The following CEP112 variants were observed in gnomAD, a reference collection of about 807,000 sequenced individuals.
CEP112 encodes centrosomal protein 112, also known as centrosomal protein of 112 kDa.
Under a neutral mutation model 153.0 loss-of-function variants are expected in CEP112, and 127 were observed. The ratio of observed to expected loss-of-function variants is 0.83; its 90% CI spans 0.72 to 0.96. The LOEUF is 0.96. Among genes scored for constraint, CEP112 ranks in the 40% least tolerant of loss-of-function variants. The pLI, the probability that CEP112 is intolerant of heterozygous loss-of-function variation, is 0.00. For missense variants in CEP112, 1,089 were observed against 1,101.2 expected (o/e 0.99, Z 0.16); for synonymous variants, 358 against 374.4 (o/e 0.96, Z 0.51).
chr17:66,179,100 T>A (rs989672743), intron 2 of CEP112, among the ~76,000 whole-genome samples: 1 of 152,186 alleles, frequency 6.6e-6, no homozygotes, highest in African/African-American at 2.4e-5. Flanking sequence ...AATTGCTCTG[T>A]AGTATAATTT....
At chr17:66,082,770 A>G (rs1279995071) in intron 8 of CEP112, among the ~76,000 whole-genome samples, 4 of 151,952 alleles carry the variant, frequency 2.6e-5, no homozygotes, top group Admixed American at 2.6e-4. Context: ...CTCAAAAAAA[A>G]AAAAAAATTT....
chr17:65,840,562 T>C (rs549906733), intron 21 of CEP112, among the ~76,000 whole-genome samples: 1 of 152,058 alleles, frequency 6.6e-6, no homozygotes, highest in African/African-American at 2.4e-5. Context: ...TTGAAGAAGA[T>C]ATTGGTCTAG....
At chr17:65,672,541 T>G (rs987824059) in intron 24 of CEP112, among the ~76,000 whole-genome samples, 4 of 152,216 alleles carry the variant, frequency 2.6e-5, no homozygotes, top group African/African-American at 9.7e-5. Flanking sequence ...TTCAGAAAGG[T>G]TTTGCTTGTA....
intron 16 of CEP112, among the ~76,000 whole-genome samples, chr17:66,024,845 CA>C (rs2065135702): frequency 6.6e-6 from 1 of 151,946 alleles, no homozygotes; most frequent in Non-Finnish European, 1.5e-5. Flanking sequence ...CAAAGCAGTC[CA>C]AAGCAAAAAG....
At position 66,029,891 on chromosome 17, in the gene CEP112, C is replaced by T. The variant is rs1248433006; in HGVS notation, c.1351G>A (p.Glu451Lys). The T allele has an allele frequency of 6.2e-7, 1 of 1,613,560 alleles. No individual in the cohort carries two copies. The highest frequency in any genetic ancestry group is 8.5e-7 in the Non-Finnish European group (1 of 1,179,692). ...LERCYQITCS[E>K]LQEVKARRNT... ...TACCTTGCCTTTACTTCTTGTAATT[C>T]ACTACACGTTATCTGGTAACATCTT... is the stretch of plus-strand genomic sequence containing the variant. Residue 451 changes from glutamate (E) to lysine (K), a missense_variant, in exon 13 of 27, where the codon GAA becomes AAA. Coordinates refer to ENST00000535342, the MANE Select transcript of CEP112 (RefSeq NM_001199165.4).
At chr17:65,736,106 C>G (rs2145071158) in intron 23 of CEP112, among the ~76,000 whole-genome samples, 1 of 151,978 alleles carries the variant, frequency 6.6e-6, no homozygotes, top group Admixed American at 6.6e-5. Flanking sequence ...TAGGCAAGGT[C>G]AAAGATGATG....
rs115691772 is a variant in CEP112 at position 65,853,371 on chromosome 17, T to C, written c.2164-1337A>G. 3.1e-3 allele frequency among the ~76,000 whole-genome samples: 476 copies of C among 152,264 alleles called. 3 individuals are homozygous for C. The highest frequency in any genetic ancestry group is 0.011 in the African/African-American group (452 of 41,564). ...GTGCTGTATTTTATAAGGACACTGG[T>C]CATACTGGATTTAGGGCCCACCTTA... On this transcript the variant is annotated intron_variant, in intron 20 of 26. Coordinates refer to ENST00000535342, the MANE Select transcript of CEP112 (RefSeq NM_001199165.4).
intron 24 of CEP112, among the ~76,000 whole-genome samples, chr17:65,670,220 T>C (rs2046917583): frequency 6.6e-6 from 1 of 151,662 alleles, no homozygotes; most frequent in Non-Finnish European, 1.5e-5. Context: ...CTGAAACTTT[T>C]GTGTTCTGTC....
intron 16 of CEP112, among the ~76,000 whole-genome samples, chr17:66,025,957 A>T (rs2065188847): frequency 1.7e-5 from 2 of 117,266 alleles, no homozygotes; most frequent in African/African-American, 6.8e-5. Context: ...ACATATATAG[A>T]TATATATAGA....
intron 19 of CEP112, among the ~76,000 whole-genome samples, chr17:65,910,470 G>T (rs952141003): frequency 7.1e-6 from 1 of 141,604 alleles, no homozygotes; most frequent in African/African-American, 2.7e-5. Flanking sequence ...AGAAAGTAAG[G>T]AAGAGGCCCA....
Position 66,024,753 on chromosome 17 carries a change from C to T in CEP112, c.1656+2748G>A, listed in dbSNP as rs139715618. On this transcript the variant is annotated intron_variant, in intron 16 of 26. Coordinates refer to ENST00000535342, the MANE Select transcript of CEP112 (RefSeq NM_001199165.4). ...AATCTAAGATTCAATGCAATCCCTA[C>T]CAAAATACCAATATAATTTTTCTCA... Among the ~76,000 whole-genome samples the T allele has an allele frequency of 2.5e-3, 382 of 152,104 alleles. 1 individual carries two copies. Among genetic ancestry groups the T allele is most frequent in the African/African-American group, 8.8e-3 (364 of 41,518 alleles).
intron 17 of CEP112, among the ~76,000 whole-genome samples, chr17:65,985,853 T>TTG (rs1555748720): frequency 6.6e-6 from 1 of 151,376 alleles, no homozygotes; most frequent in African/African-American, 2.4e-5. Context: ...CTTTTGTTTT[T>TTG]TTTTTTTTTA....
At chr17:66,100,954 A>G (rs1170756969) in intron 6 of CEP112, among the ~76,000 whole-genome samples, 1 of 152,152 alleles carries the variant, frequency 6.6e-6, no homozygotes, top group African/African-American at 2.4e-5. Flanking sequence ...AAGGAACATC[A>G]GCATTTGCTG....
At chr17:66,125,500 A>G (rs2069803346) in intron 6 of CEP112, among the ~76,000 whole-genome samples, 1 of 152,148 alleles carries the variant, frequency 6.6e-6, no homozygotes, top group Non-Finnish European at 1.5e-5. Context: ...TTGGTGACAG[A>G]GCAAGACCCT....
intron 4 of CEP112, among the ~76,000 whole-genome samples, chr17:66,138,548 GA>G (rs1269301429): frequency 6.6e-6 from 1 of 152,150 alleles, no homozygotes; most frequent in Admixed American, 6.6e-5. Context: ...ATTAAAAGGT[GA>G]AAATCGGGAC....
intron 21 of CEP112, among the ~76,000 whole-genome samples, chr17:65,817,178 A>G (rs1205585197): frequency 1.3e-5 from 2 of 151,976 alleles, no homozygotes; most frequent in Non-Finnish European, 2.9e-5. Context: ...TAAATGAAGT[A>G]TAATATTAAG....
intron 2 of CEP112, among the ~76,000 whole-genome samples, chr17:66,177,956 T>G (rs990759530): frequency 6.6e-6 from 1 of 152,190 alleles, no homozygotes; most frequent in Admixed American, 6.5e-5. Flanking sequence ...CTTTATCCAT[T>G]TGTCTGTTGA....
intron 23 of CEP112, among the ~76,000 whole-genome samples, chr17:65,699,263 T>G (rs556080649): frequency 2.6e-5 from 4 of 152,362 alleles, no homozygotes; most frequent in African/African-American, 9.6e-5. Flanking sequence ...ACTACGGTAA[T>G]GAGCATTTAC....
intron 21 of CEP112, among the ~76,000 whole-genome samples, chr17:65,813,587 T>C (rs2056105024): frequency 6.6e-6 from 1 of 152,174 alleles, no homozygotes; most frequent in South Asian, 2.1e-4. Flanking sequence ...TTCTGCAACT[T>C]GTAGCTGTGT....
Sources: allele counts gnomAD v4.1 joint callset (sites outside exome capture counted in the v4.1 genomes callset), GRCh38; gene constraint gnomAD v4.1.1; transcripts MANE v1.5; gene names NCBI Gene and HGNC (gene_info 2026-07-23, HGNC 2026-07-21).